The following PAK2 variants were observed in gnomAD, a reference collection of about 807,000 sequenced individuals.
PAK2 encodes the protein p21 (RAC1) activated kinase 2, also known as serine/threonine-protein kinase PAK 2.
In PAK2, 21 loss-of-function variants were observed where a neutral mutation model predicts 65.9. That is an observed-to-expected ratio of 0.32 (90% CI 0.23 to 0.46). The LOEUF (loss-of-function observed/expected upper bound fraction) is 0.46. Ranked by LOEUF, PAK2 falls within the 20% of genes least tolerant of loss-of-function variation. The pLI is 1.00. For synonymous variants in PAK2, 204 were observed against 219.7 expected (o/e 0.93, Z 0.63); for missense variants, 324 against 642.6 (o/e 0.50, Z 5.36).
In PAK2 at chr3:196,756,883, A is replaced by C. The variant is rs145424357; in HGVS notation, c.-22+16726A>C. 6.4e-3 allele frequency among the ~76,000 whole-genome samples: 981 copies of C among 152,326 alleles called. 5 individuals are homozygous for C. Among genetic ancestry groups the C allele is most frequent in the Non-Finnish European group, 7.6e-3 (515 of 68,034 alleles). On this transcript the variant is annotated intron_variant, in intron 1 of 14. Transcript: ENST00000327134. ...ATGCTTATTCCTTGGTGCTGCAATG[A>C]AATAGCACTCAGCATAAATTTAACT...
chr3:196,810,713 G>A, intron 8 of PAK2, 60 bp downstream of exon 8: 1 of 882,028 alleles, frequency 1.1e-6, no homozygotes, highest in Non-Finnish European at 1.9e-6. Context: ...TGGCTTTATA[G>A]CATGATGTTT....
rs1012996763 is a variant in PAK2 at position 196,830,351 on chromosome 3, A to C, written c.*1946A>C. 3.3e-5 allele frequency: 5 copies of C among 152,212 alleles called. No homozygotes were observed. The highest frequency in any genetic ancestry group is 1.3e-4 in the Admixed American group (2 of 15,272). 9.4% of individuals were successfully genotyped at this position (152,212 alleles called of 1,614,324 possible). On this transcript the variant is annotated 3_prime_UTR_variant, in exon 15 of 15. Transcript: ENST00000327134. The stretch of plus-strand genomic sequence containing the variant: ...CTACAGCTATTACTGAATTATAGAA[A>C]CTGGTTTATTTCTGGCAGAAAGCTG...
At chr3:196,764,916 C>T (rs1469403521) in intron 1 of PAK2, among the ~76,000 whole-genome samples, 1 of 146,468 alleles carries the variant, frequency 6.8e-6, no homozygotes, top group Non-Finnish European at 1.5e-5. Context: ...GATCTCGGCT[C>T]ACTGCAAATT....
At chr3:196,825,978 G>A (rs969184527) in intron 13 of PAK2, among the ~76,000 whole-genome samples, 13 of 151,418 alleles carry the variant, frequency 8.6e-5, no homozygotes, top group Non-Finnish European at 1.6e-4. Flanking sequence ...CGAGTAGCTG[G>A]AACTACAGGC....
chr3:196,798,001 A>G (rs1467745018), intron 2 of PAK2, among the ~76,000 whole-genome samples: 1 of 152,240 alleles, frequency 6.6e-6, no homozygotes, highest in Admixed American at 6.5e-5. Context: ...CCATATTAGA[A>G]GAAAAGATTT....
chr3:196,778,375 A>G (rs141158367), intron 1 of PAK2, among the ~76,000 whole-genome samples: 1 of 152,278 alleles, frequency 6.6e-6, no homozygotes, highest in East Asian at 1.9e-4. Flanking sequence ...TTGCGTGAAC[A>G]TGTTTTTCAG....
At chr3:196,762,556 CATGCCTGCAATCGCAGGCACT>C (rs1341543055) in intron 1 of PAK2, among the ~76,000 whole-genome samples, 14 of 150,112 alleles carry the variant, frequency 9.3e-5, no homozygotes, top group African/African-American at 3.4e-4. Context: ...CGTGGCGGCG[CATGCCTGCAATCGCAGGCACT>C]CGGCAGGCTG....
chr3:196,818,346 A>G (rs1250179786), intron 12 of PAK2, among the ~76,000 whole-genome samples, 190 bp downstream of exon 12: 2 of 152,150 alleles, frequency 1.3e-5, no homozygotes, highest in African/African-American at 4.8e-5. Flanking sequence ...GCTGGATAAG[A>G]CATTACCTAA....
intron 10 of PAK2, among the ~76,000 whole-genome samples, chr3:196,813,535 G>A (rs1475637697): frequency 6.6e-6 from 1 of 151,914 alleles, no homozygotes; most frequent in Non-Finnish European, 1.5e-5. Context: ...AATGATAACA[G>A]TGGTTTTATT....
intron 1 of PAK2, among the ~76,000 whole-genome samples, chr3:196,764,220 T>A (rs1278966172): frequency 6.6e-6 from 1 of 152,214 alleles, no homozygotes; most frequent in Non-Finnish European, 1.5e-5. Flanking sequence ...GTGAAGTTTA[T>A]TTGCATAACT....
chr3:196,785,162 T>C (rs910333588), intron 2 of PAK2: 3 of 152,234 alleles, frequency 2.0e-5, no homozygotes, highest in African/African-American at 7.2e-5. Flanking sequence ...TGGTGGGTTA[T>C]GAACTCTGTA....
intron 2 of PAK2, among the ~76,000 whole-genome samples, chr3:196,799,372 C>G (rs181440804): frequency 3.3e-5 from 5 of 152,300 alleles, no homozygotes; most frequent in Admixed American, 2.0e-4. Context: ...TGCTCTGTTT[C>G]TAAGTGTCCC....
At chr3:196,793,180 G>A (rs573596269) in intron 2 of PAK2, among the ~76,000 whole-genome samples, 45 of 152,076 alleles carry the variant, frequency 3.0e-4, no homozygotes, top group African/African-American at 8.2e-4. Context: ...CCCATCCTCC[G>A]GAAGGAAAAA....
At chr3:196,783,919 G>A (rs1714796960) in intron 2 of PAK2, among the ~76,000 whole-genome samples, 1 of 152,278 alleles carries the variant, frequency 6.6e-6, no homozygotes, top group Admixed American at 6.5e-5. Flanking sequence ...TCACTGCTGT[G>A]TATTGCTACA....
intron 1 of PAK2, among the ~76,000 whole-genome samples, chr3:196,753,043 C>G (rs531155887): frequency 1.3e-5 from 2 of 150,760 alleles, no homozygotes; most frequent in East Asian, 3.9e-4. Context: ...TGCAGTGGTG[C>G]CGATGGCTCA....
At chr3:196,790,908 A>G (rs1303354074) in intron 2 of PAK2, among the ~76,000 whole-genome samples, 2 of 152,238 alleles carry the variant, frequency 1.3e-5, no homozygotes, top group African/African-American at 4.8e-5. Flanking sequence ...TGAGTAAACA[A>G]GCTCTTTAGA....
At chr3:196,755,801 C>A (rs1358847054) in intron 1 of PAK2, among the ~76,000 whole-genome samples, 2 of 151,400 alleles carry the variant, frequency 1.3e-5, no homozygotes, top group Non-Finnish European at 2.9e-5. Context: ...TTGTTGCCAG[C>A]CTGGAGTACA....
intron 1 of PAK2, among the ~76,000 whole-genome samples, chr3:196,761,047 G>A (rs1713943085): frequency 6.6e-6 from 1 of 151,932 alleles, no homozygotes; most frequent in African/African-American, 2.4e-5. Context: ...TGACCAACAT[G>A]GAGAAACCCT....
intron 2 of PAK2, 73 bp from the exon 3 acceptor site, chr3:196,801,853 AT>A (rs1268600164): frequency 1.3e-6 from 1 of 775,596 alleles, no homozygotes; most frequent in Non-Finnish European, 2.2e-6. Flanking sequence ...AAGACAAAAA[AT>A]AAAATTATAA....
Sources: gnomAD v4.1 joint callset for allele counts (sites outside exome capture counted in the v4.1 genomes callset) on GRCh38, gnomAD v4.1.1 for gene constraint, MANE v1.5 for transcripts, NCBI Gene and HGNC (gene_info 2026-07-23, HGNC 2026-07-21) for gene names.